The following SUCLG2 variants were observed in gnomAD, a reference collection of about 807,000 sequenced individuals.
The protein encoded by SUCLG2 is succinate--CoA ligase [GDP-forming] subunit beta, mitochondrial.
Under a neutral mutation model 47.9 loss-of-function variants are expected in SUCLG2, and 42 were observed. The ratio of observed to expected loss-of-function variants is 0.88; its 90% confidence interval spans 0.69 to 1.14. The LOEUF is 1.14. SUCLG2 is among the 50% of genes most tolerant of loss of function. SUCLG2 has a pLI of 0.00. For synonymous variants in SUCLG2, 195 were observed against 197.3 expected (o/e 0.99, Z 0.10); for missense variants, 571 against 525.9 (o/e 1.09, Z -0.84).
chr3:67,631,968 T>A (rs1700933544), intron 1 of SUCLG2, among the ~76,000 whole-genome samples: 1 of 152,232 alleles, frequency 6.6e-6, no homozygotes, highest in African/African-American at 2.4e-5. Flanking sequence ...TAATGGTTCC[T>A]GTGACAACAA....
intron 1 of SUCLG2, among the ~76,000 whole-genome samples, chr3:67,642,123 G>C (rs780107461): frequency 5.9e-5 from 9 of 152,046 alleles, no homozygotes; most frequent in Admixed American, 5.2e-4. Context: ...AATTACATTA[G>C]GTCACATTCT....
intron 2 of SUCLG2, among the ~76,000 whole-genome samples, chr3:67,580,772 A>G (rs902785214): frequency 2.6e-5 from 4 of 152,196 alleles, no homozygotes; most frequent in African/African-American, 4.8e-5. Context: ...GTCAATCATA[A>G]TTTCACAAGT....
Position 67,526,740 on chromosome 3 carries a change from C to T in SUCLG2, c.417+1392G>A, listed in dbSNP as rs1297054439. ...GAGAACCCTGACCACTTACACATTG[C>T]TGATGGCAATGTAAAATGGAACAGC... On this transcript the variant is annotated intron_variant, in intron 4 of 10. Coordinates refer to ENST00000307227, the MANE Select transcript of SUCLG2 (RefSeq NM_003848.4). Among the ~76,000 whole-genome samples the T allele has an allele frequency of 5.3e-5, 8 of 152,294 alleles. No homozygotes were observed. The South Asian group carries it at 1.5e-3, about 28-fold the overall frequency.
At chr3:67,384,817 T>C (rs532156999) in intron 10 of SUCLG2, among the ~76,000 whole-genome samples, 2 of 152,338 alleles carry the variant, frequency 1.3e-5, no homozygotes, top group African/African-American at 2.4e-5. Context: ...AGCTGGGATA[T>C]AGCCTCAGAA....
At chr3:67,418,251 C>T (rs1217998055) in intron 9 of SUCLG2, among the ~76,000 whole-genome samples, 3 of 152,172 alleles carry the variant, frequency 2.0e-5, no homozygotes, top group Non-Finnish European at 4.4e-5. Context: ...CAGTACGTGG[C>T]AAGTGGTAAG....
chr3:67,473,011 A>G (rs1459417972), intron 9 of SUCLG2, among the ~76,000 whole-genome samples: 15 of 152,180 alleles, frequency 9.9e-5, no homozygotes, highest in Admixed American at 9.8e-4. Context: ...ATATTTAATG[A>G]TGTCATAAAA....
intron 9 of SUCLG2, among the ~76,000 whole-genome samples, chr3:67,455,687 A>G (rs191285389): frequency 3.3e-4 from 50 of 150,098 alleles, no homozygotes; most frequent in African/African-American, 8.3e-4. Context: ...TGGGTGGAGG[A>G]AAAAAAAAAC....
intron 10 of SUCLG2, among the ~76,000 whole-genome samples, chr3:67,394,397 C>T (rs367875956): frequency 1.6e-4 from 24 of 146,366 alleles, no homozygotes; most frequent in African/African-American, 4.6e-4. Flanking sequence ...GGAGCCGATG[C>T]GATCAACTGG....
intron 10 of SUCLG2, among the ~76,000 whole-genome samples, chr3:67,393,952 G>A (rs949060648): frequency 6.6e-6 from 1 of 152,184 alleles, no homozygotes; most frequent in Non-Finnish European, 1.5e-5. Flanking sequence ...CAGACCTGCA[G>A]CTGAGGGTCC....
chr3:67,435,647 G>A (rs1703601091), intron 9 of SUCLG2, among the ~76,000 whole-genome samples: 1 of 152,190 alleles, frequency 6.6e-6, no homozygotes, highest in Admixed American at 6.5e-5. Context: ...CTCTAAGGTT[G>A]CAAGAATAGG....
chr3:67,471,053 T>C (rs1704592383), intron 9 of SUCLG2, among the ~76,000 whole-genome samples: 1 of 152,150 alleles, frequency 6.6e-6, no homozygotes, highest in Non-Finnish European at 1.5e-5. Flanking sequence ...GAGAAAAACT[T>C]GGAGAAGATA....
chr3:67,365,662 T>C (rs1463221775), intron 10 of SUCLG2, among the ~76,000 whole-genome samples: 1 of 152,340 alleles, frequency 6.6e-6, no homozygotes, highest in Non-Finnish European at 1.5e-5. Flanking sequence ...GCATACATGT[T>C]CAGTCTAACA....
chr3:67,445,058 G>GC (rs532273660), intron 9 of SUCLG2, among the ~76,000 whole-genome samples: 3,374 of 65,412 alleles, frequency 0.052, 1,071 homozygotes, highest in Non-Finnish European at 0.079. Flanking sequence ...CCTCTGCCCG[G>GC]CCCCCCCTAC....
intron 1 of SUCLG2, among the ~76,000 whole-genome samples, chr3:67,640,928 A>G (rs558231693): frequency 5.3e-4 from 81 of 152,352 alleles, no homozygotes; most frequent in African/African-American, 1.9e-3. Context: ...GAACATAGGT[A>G]GTAAAATGTT....
At chr3:67,571,014 T>C (rs934021619) in intron 2 of SUCLG2, among the ~76,000 whole-genome samples, 1 of 152,158 alleles carries the variant, frequency 6.6e-6, no homozygotes, top group Non-Finnish European at 1.5e-5. Context: ...GATAATTCCA[T>C]GTAGGGATGA....
rs998460379 is a variant in SUCLG2, at chr3:67,647,000, C to A, written c.84+7503G>T. ...GGCCTACCAGGATCAGCGATCTTGT[C>A]CTTGCTCTTGTCTCTGGCCTCATTT... is the stretch of plus-strand genomic sequence containing the variant. On this transcript the variant is annotated intron_variant, in intron 1 of 10. Transcript: ENST00000307227. Among the ~76,000 whole-genome samples, 4 of 152,152 alleles carry A rather than the reference C, an allele frequency of 2.6e-5. No individual in the cohort carries two copies. The East Asian group carries it at 7.7e-4, about 29-fold the overall frequency.
At chr3:67,475,569 C>T (rs539713839) in intron 9 of SUCLG2, among the ~76,000 whole-genome samples, 1 of 152,204 alleles carries the variant, frequency 6.6e-6, no homozygotes, top group Non-Finnish European at 1.5e-5. Context: ...AAAGACATGT[C>T]TTGTGGTCCA....
chr3:67,573,333 A>G (rs1192686008), intron 2 of SUCLG2, among the ~76,000 whole-genome samples: 1 of 152,242 alleles, frequency 6.6e-6, no homozygotes, highest in Non-Finnish European at 1.5e-5. Flanking sequence ...ACAGAAATGC[A>G]AAACACCTAG....
chr3:67,409,595 T>G (rs1702890161), intron 9 of SUCLG2, among the ~76,000 whole-genome samples: 1 of 152,098 alleles, frequency 6.6e-6, no homozygotes, highest in South Asian at 2.1e-4. Context: ...ACTTTGGAGT[T>G]ACATGACACA....
Sources: gnomAD v4.1 joint callset for allele counts (sites outside exome capture counted in the v4.1 genomes callset) on GRCh38, gnomAD v4.1.1 for gene constraint, MANE v1.5 for transcripts, NCBI Gene and HGNC (gene_info 2026-07-23, HGNC 2026-07-21) for gene names.